Variants in GPC5 observed in about 807,000 individuals in gnomAD.
The protein encoded by GPC5 is glypican 5.
Under a neutral mutation model 53.9 loss-of-function variants are expected in GPC5, and 47 were observed. The observed-to-expected ratio is 0.87, with a 90% CI of 0.69 to 1.11. GPC5 has a LOEUF of 1.11. Ranked by LOEUF, GPC5 falls within the 50% of genes most tolerant of loss-of-function variation. The pLI, the probability that GPC5 is intolerant of heterozygous loss-of-function variation, is 0.00. For missense variants in GPC5, 748 were observed against 713.1 expected (o/e 1.05, Z -0.56); for synonymous variants, 286 against 263.3 (o/e 1.09, Z -0.84).
chr13:92,657,667 C>T (rs1886187235), intron 7 of GPC5, among the ~76,000 whole-genome samples: 1 of 141,264 alleles, frequency 7.1e-6, no homozygotes, highest in Non-Finnish European at 1.5e-5. Flanking sequence ...ATTTTAAAGG[C>T]CACCCTTTCA....
chr13:92,630,775 C>T (rs1167916821), intron 7 of GPC5, among the ~76,000 whole-genome samples: 1 of 152,148 alleles, frequency 6.6e-6, no homozygotes, highest in Non-Finnish European at 1.5e-5. Flanking sequence ...TCTGGTGTCT[C>T]AACTTGTCCT....
intron 7 of GPC5, among the ~76,000 whole-genome samples, chr13:92,166,825 T>A (rs890241549): frequency 6.6e-6 from 1 of 152,058 alleles, no homozygotes; most frequent in Non-Finnish European, 1.5e-5. Flanking sequence ...CAATACTCAT[T>A]TGTGTGATCT....
At chr13:92,273,985 C>G (rs544229341) in intron 7 of GPC5, among the ~76,000 whole-genome samples, 1 of 152,148 alleles carries the variant, frequency 6.6e-6, no homozygotes, top group East Asian at 1.9e-4. Flanking sequence ...AGAGTATGCT[C>G]TTTAATTGAC....
intron 7 of GPC5, among the ~76,000 whole-genome samples, chr13:92,406,459 C>T (rs1875799463): frequency 6.6e-6 from 1 of 152,100 alleles, no homozygotes; most frequent in Non-Finnish European, 1.5e-5. Flanking sequence ...GGAGCTATAT[C>T]AACTTGGAGA....
Position 91,961,910 on chromosome 13 carries a change from G to T in GPC5, c.1401+53853G>T, listed in dbSNP as rs1307150848. On this transcript the variant is annotated intron_variant, in intron 6 of 7. Coordinates refer to ENST00000377067, the MANE Select transcript of GPC5 (RefSeq NM_004466.6). ...CAAGTTATATGCTATTTCTGGATCTGGTCAGAAGTTAACTTCTCATTTTGG... is the reference window on the plus strand; with the variant it reads ...CAAGTTATATGCTATTTCTGGATCTTGTCAGAAGTTAACTTCTCATTTTGG... Among the ~76,000 whole-genome samples, 3 of 151,982 alleles carry T rather than the reference G, an allele frequency of 2.0e-5. No homozygotes were observed. In the South Asian group the frequency reaches 6.2e-4, roughly 32 times the overall value.
intron 7 of GPC5, among the ~76,000 whole-genome samples, chr13:92,353,280 A>G (rs952485173): frequency 6.6e-6 from 1 of 150,480 alleles, no homozygotes; most frequent in Non-Finnish European, 1.5e-5. Flanking sequence ...AAAAAAAAAA[A>G]AAAAGAAATG....
chr13:91,411,226 G>A (rs1266492288), intron 1 of GPC5, among the ~76,000 whole-genome samples: 1 of 152,222 alleles, frequency 6.6e-6, no homozygotes, highest in African/African-American at 2.4e-5. Flanking sequence ...TGGTTTTAAG[G>A]CTGAATTAAT....
intron 7 of GPC5, among the ~76,000 whole-genome samples, chr13:92,863,022 T>C (rs182894047): frequency 2.4e-4 from 36 of 152,302 alleles, no homozygotes; most frequent in Admixed American, 8.5e-4. Context: ...CTTGCCCACA[T>C]GGATTCTACC....
intron 2 of GPC5, among the ~76,000 whole-genome samples, chr13:91,645,988 A>G (rs1443615357): frequency 6.6e-6 from 1 of 152,258 alleles, no homozygotes; most frequent in Non-Finnish European, 1.5e-5. Context: ...AGCAGGTAAC[A>G]CACAGGTCAA....
At chr13:92,521,027 T>C (rs1881022226) in intron 7 of GPC5, among the ~76,000 whole-genome samples, 2 of 152,296 alleles carry the variant, frequency 1.3e-5, no homozygotes, top group South Asian at 2.1e-4. Flanking sequence ...CCATTCACAA[T>C]TGATTCAAAG....
chr13:92,616,087 C>T (rs1051453891), intron 7 of GPC5, among the ~76,000 whole-genome samples: 1 of 152,020 alleles, frequency 6.6e-6, no homozygotes, highest in African/African-American at 2.4e-5. Context: ...CAAAAAACTT[C>T]CCCTACCAAC....
Position 92,835,653 on chromosome 13 carries a change from A to C in GPC5, c.1562-30629A>C, listed in dbSNP as rs529882880. 9.2e-5 allele frequency among the ~76,000 whole-genome samples: 14 copies of C among 152,138 alleles called. No individual in the cohort carries two copies. In the East Asian group the frequency reaches 2.3e-3, roughly 25 times the overall value. ...CACTGTGTAACATATTGCAACAAAC[A>C]TGTTTGTAAAGAGATCCTTATTTCA... On this transcript the variant is annotated intron_variant, in intron 7 of 7. Coordinates refer to ENST00000377067, the MANE Select transcript of GPC5 (RefSeq NM_004466.6).
chr13:92,614,494 A>C (rs1884616071), intron 7 of GPC5, among the ~76,000 whole-genome samples: 1 of 152,336 alleles, frequency 6.6e-6, no homozygotes, highest in South Asian at 2.1e-4. Flanking sequence ...ATAAAAGTCA[A>C]AAAATCCTAA....
intron 6 of GPC5, among the ~76,000 whole-genome samples, chr13:92,092,314 A>T (rs1276390226): frequency 1.3e-5 from 2 of 152,162 alleles, no homozygotes; most frequent in Non-Finnish European, 2.9e-5. Flanking sequence ...ATCATGAGTT[A>T]TTTTCTAGAC....
intron 7 of GPC5, among the ~76,000 whole-genome samples, chr13:92,411,124 G>C (rs976598094): frequency 3.3e-5 from 5 of 152,102 alleles, no homozygotes; most frequent in African/African-American, 1.2e-4. Flanking sequence ...AAAAAAATTT[G>C]CCAGGCATGA....
In GPC5 at chr13:91,992,497, A is replaced by G. The variant is rs527782670; in HGVS notation, c.1401+84440A>G. On this transcript the variant is annotated intron_variant, in intron 6 of 7. Coordinates refer to ENST00000377067, the MANE Select transcript of GPC5 (RefSeq NM_004466.6). ...TTTTGAGGTGGAGTCTCACTCTGTC[A>G]TCCAGGTTGGAGTGCAGTGGCGCGA... Among the ~76,000 whole-genome samples the G allele has an allele frequency of 4.7e-5, 7 of 148,326 alleles. No individual in the cohort carries two copies. In the East Asian group the frequency reaches 1.4e-3, roughly 29 times the overall value.
intron 6 of GPC5, among the ~76,000 whole-genome samples, chr13:91,919,968 C>T (rs2039695422): frequency 6.6e-6 from 1 of 152,164 alleles, no homozygotes; most frequent in Admixed American, 6.6e-5. Context: ...GATCTCTACC[C>T]AGTGGGAAGG....
rs759445134 is a variant in GPC5 at position 91,697,343 on chromosome 13, G to A, written c.1020+3462G>A. On this transcript the variant is annotated intron_variant, in intron 3 of 7. Coordinates refer to ENST00000377067, the MANE Select transcript of GPC5 (RefSeq NM_004466.6). ...GTTTTAGTAGAGATGGGGTTTCACT[G>A]TATTGGACAGGCTGGTCTCAAACTC... Among the ~76,000 whole-genome samples the A allele has an allele frequency of 3.0e-4, 46 of 151,996 alleles. 1 individual carries two copies. The highest frequency in any genetic ancestry group is 1.0e-4 in the Non-Finnish European group (7 of 67,988).
chr13:92,372,878 G>C (rs185460560), intron 7 of GPC5, among the ~76,000 whole-genome samples: 1 of 152,100 alleles, frequency 6.6e-6, no homozygotes, highest in Non-Finnish European at 1.5e-5. Flanking sequence ...CTATTTTTGT[G>C]CCTGTATTAT....
Sources: allele counts gnomAD v4.1 joint callset (sites outside exome capture counted in the v4.1 genomes callset), GRCh38; gene constraint gnomAD v4.1.1; transcripts MANE v1.5; gene names NCBI Gene and HGNC (gene_info 2026-07-23, HGNC 2026-07-21).